The following UNC13A variants were observed in gnomAD, a reference collection of about 807,000 sequenced individuals.
The protein encoded by UNC13A is protein unc-13 homolog A.
UNC13A carries 61 observed loss-of-function variants against 219.7 expected under a neutral mutation model. The ratio of observed to expected loss-of-function variants is 0.28; its 90% CI spans 0.23 to 0.34. UNC13A has a LOEUF of 0.34. Ranked by LOEUF, UNC13A falls within the 10% of genes least tolerant of loss-of-function variation. The pLI, the probability that UNC13A is intolerant of heterozygous loss-of-function variation, is 1.00. For missense variants in UNC13A, 1,476 were observed against 2,270.3 expected (o/e 0.65, Z 7.11); for synonymous variants, 920 against 884.6 (o/e 1.04, Z -0.71).
At position 17,640,304 on chromosome 19, in the gene UNC13A, G is replaced by T. The variant is rs535601475; in HGVS notation, c.2787+207C>A. Among the ~76,000 whole-genome samples, 5 of 152,286 alleles carry T rather than the reference G, an allele frequency of 3.3e-5. 1 individual carries two copies. Among genetic ancestry groups the T allele is most frequent in the African/African-American group, 1.2e-4 (5 of 41,564 alleles). On this transcript the variant is annotated intron_variant, in intron 22 of 43. Coordinates refer to ENST00000519716, the MANE Select transcript of UNC13A (RefSeq NM_001080421.3). ...TTCTCCAGCCTCGGCCTCCCAAAGTGCTGGGATTACAGGCATGAGCCACTG... is the reference window on the plus strand; with the variant it reads ...TTCTCCAGCCTCGGCCTCCCAAAGTTCTGGGATTACAGGCATGAGCCACTG...
intron 17 of UNC13A, among the ~76,000 whole-genome samples, chr19:17,646,692 C>G (rs1239303114): frequency 6.6e-6 from 1 of 152,108 alleles, no homozygotes; most frequent in Non-Finnish European, 1.5e-5. Flanking sequence ...GGTTCCTTCC[C>G]TCCCTGACTT....
intron 43 of UNC13A, 123 bp downstream of exon 43, chr19:17,609,817 G>A (rs76856044): frequency 4.3e-6 from 6 of 1,387,040 alleles, no homozygotes; most frequent in East Asian, 4.6e-5. Flanking sequence ...CCCCCACCTA[G>A]AATGTGGCCC....
chr19:17,602,926 CCA>C lies in UNC13A; in HGVS notation c.*3126_*3127del, dbSNP rs1297585034. On this transcript the variant is annotated 3_prime_UTR_variant, in exon 44 of 44. Transcript: ENST00000519716. ...TGGGGGTCCTGAGAGTCCTCAGACC[CCA>C]GTCTGGGAGAAACAGAGCTGGACAG... 6 of 152,242 alleles carry C rather than the reference CCA, an allele frequency of 3.9e-5. No homozygotes were observed. The highest frequency in any genetic ancestry group is 9.7e-5 in the African/African-American group (4 of 41,446). The allele number at this position is 152,242 out of a possible 1,614,324, so 9.4% of individuals were successfully genotyped here.
chr19:17,680,081 G>T (rs1206244075), intron 1 of UNC13A, among the ~76,000 whole-genome samples: 2 of 151,984 alleles, frequency 1.3e-5, no homozygotes, highest in African/African-American at 4.8e-5. Flanking sequence ...GGCCGAGAGT[G>T]GCGAGGGGGT....
chr19:17,620,642 GT>G, intron 38 of UNC13A, 50 bp downstream of exon 38: 4 of 1,566,678 alleles, frequency 2.6e-6, no homozygotes, highest in South Asian at 1.2e-5. Context: ...CAGGGGTGGG[GT>G]GGGGGGGAGT....
chr19:17,645,990 C>T lies in UNC13A; in HGVS notation c.2166G>A (p.Val722=). 1 of 1,612,704 alleles carries T rather than the reference C, an allele frequency of 6.2e-7. No individual in the cohort carries two copies. Among genetic ancestry groups the T allele is most frequent in the Non-Finnish European group, 8.5e-7 (1 of 1,179,290 alleles). The change falls in exon 18 of 44, where the codon GTG becomes GTA. Residue 722 remains valine (V), a synonymous_variant. Transcript: ENST00000519716. ...TKTIYGNLNP[V]WEENFHFECH... ...CTTACAAGTGGAAATTCTCCTCCCACACCGGGTTGAGGTTCCCATAGATGG... is the reference window on the plus strand; with the variant it reads ...CTTACAAGTGGAAATTCTCCTCCCATACCGGGTTGAGGTTCCCATAGATGG...
intron 41 of UNC13A, chr19:17,616,582 G>C (rs896542961): frequency 1.9e-6 from 1 of 520,848 alleles, no homozygotes; most frequent in African/African-American, 2.0e-5. Flanking sequence ...GGGAGGCGCG[G>C]AGAGGGGACG....
At chr19:17,664,494 T>C (rs1356336961) in intron 7 of UNC13A, among the ~76,000 whole-genome samples, 8 of 152,096 alleles carry the variant, frequency 5.3e-5, no homozygotes, top group African/African-American at 9.7e-5. Flanking sequence ...CTCTGAGAAA[T>C]AGGGTGACAA....
chr19:17,629,726 A>C (rs910250674), intron 30 of UNC13A, among the ~76,000 whole-genome samples: 3 of 152,018 alleles, frequency 2.0e-5, no homozygotes, highest in Non-Finnish European at 4.4e-5. Context: ...ATTGTGCATC[A>C]ATCTCAGCAC....
intron 30 of UNC13A, 42 bp downstream of exon 30, chr19:17,630,103 T>A: frequency 6.5e-7 from 1 of 1,547,538 alleles, no homozygotes; most frequent in Non-Finnish European, 8.7e-7. Flanking sequence ...TCCCTAACCC[T>A]GACCCTGTCC....
In UNC13A at chr19:17,644,547, G is replaced by A. The variant is rs184333778; in HGVS notation, c.2356+1127C>T. Among the ~76,000 whole-genome samples, 418 of 127,382 alleles carry A rather than the reference G, an allele frequency of 3.3e-3. 4 individuals carry two copies. The highest frequency in any genetic ancestry group is 0.012 in the African/African-American group (400 of 32,606). 83.6% of individuals were successfully genotyped at this position (127,382 alleles called of 152,430 possible). On this transcript the variant is annotated intron_variant, in intron 19 of 43. Transcript: ENST00000519716. Reference sequence around the variant, plus strand: ...TGTTTTTTTTTTTTTTTTTTGAGACGGAGTCTTCCTTTGTTGCCCAGGCTG... The same window carrying A: ...TGTTTTTTTTTTTTTTTTTTGAGACAGAGTCTTCCTTTGTTGCCCAGGCTG...
In UNC13A at chr19:17,674,703, T is replaced by C. The variant is rs754721967; in HGVS notation, c.106A>G (p.Ile36Val). Residue 36 changes from isoleucine (I) to valine (V), a missense_variant, in exon 3 of 44, where the codon ATC becomes GTC. Coordinates refer to ENST00000519716, the MANE Select transcript of UNC13A (RefSeq NM_001080421.3). This position sits in a 1 kb window ranked among gnomAD's most constrained non-coding sequence, Gnocchi z 5.0. Reference protein sequence around the residue: ...LKVQNVKSTTIAVRGSQPSWE... With the variant: ...LKVQNVKSTTVAVRGSQPSWE... The stretch of plus-strand genomic sequence containing the variant: ...CTGGGCTGGCTGCCCCGCACCGCGA[T>C]GGTCGTGCTCTTGACATTCTGCACT... 5 of 1,613,930 alleles carry C rather than the reference T, an allele frequency of 3.1e-6. No individual in the cohort carries two copies. Among genetic ancestry groups the C allele is most frequent in the South Asian group, 2.2e-5 (2 of 91,084 alleles).
At chr19:17,645,906 G>A in intron 18 of UNC13A, 63 bp from the exon 19 acceptor site, 1 of 1,594,654 alleles carries the variant, frequency 6.3e-7, no homozygotes, top group South Asian at 1.1e-5. Flanking sequence ...TGTCCTTGGA[G>A]CCCTCTTTTG....
At chr19:17,633,332 ACTGACTCTGCACTAAGG>A in intron 26 of UNC13A, 139 bp from the exon 27 acceptor site, 1 of 699,340 alleles carries the variant, frequency 1.4e-6, no homozygotes, top group Non-Finnish European at 2.5e-6. Flanking sequence ...GCCACTGCTG[ACTGACTCTGCACTAAGG>A]CTTTGTTTCC....
chr19:17,608,383 A>AT (rs1568496046), intron 43 of UNC13A, among the ~76,000 whole-genome samples: 38 of 124,160 alleles, frequency 3.1e-4, no homozygotes, highest in African/African-American at 1.1e-3. Context: ...TATGTATATA[A>AT]ATATATATAT....
At chr19:17,654,886 G>A (rs1013932563) in intron 11 of UNC13A, among the ~76,000 whole-genome samples, 1 of 152,184 alleles carries the variant, frequency 6.6e-6, no homozygotes. Flanking sequence ...ACCCCAGGCT[G>A]ACATTGGGAA....
At position 17,606,227 on chromosome 19, in the gene UNC13A, C is replaced by A; in HGVS notation, c.4939G>T (p.Gly1647Trp). ...AGCGGCAGCCAGCAGGCGGCGCTCCCGCGCTGGGCCAGCTCACGCAGCTGC... is the reference window on the plus strand; with the variant it reads ...AGCGGCAGCCAGCAGGCGGCGCTCCAGCGCTGGGCCAGCTCACGCAGCTGC... ...VLQLRELAQR[G>W]SAACWLPLGR... The change falls in exon 44 of 44, where the codon GGG becomes TGG. Residue 1647 changes from glycine (G) to tryptophan (W), a missense_variant. This residue lies in a region of UNC13A where 187 missense variants were observed against 172.3 expected (regional missense o/e 1.09). Transcript: ENST00000519716. 6.4e-7 allele frequency: 1 copy of A among 1,551,202 alleles called. No homozygotes were observed. Among genetic ancestry groups the A allele is most frequent in the Non-Finnish European group, 8.7e-7 (1 of 1,148,660 alleles).
chr19:17,610,909 T>G (rs78983694), intron 42 of UNC13A, among the ~76,000 whole-genome samples: 1 of 152,082 alleles, frequency 6.6e-6, no homozygotes, highest in Non-Finnish European at 1.5e-5. Context: ...GCTGCATGCC[T>G]GCAATCCCAG....
At chr19:17,616,261 G>T (rs1599831392) in intron 41 of UNC13A, 3 of 495,082 alleles carry the variant, frequency 6.1e-6, no homozygotes, top group East Asian at 3.5e-5. Context: ...CCCCTCACCC[G>T]CCTGGGCCCT....
Sources: allele counts gnomAD v4.1 joint callset (sites outside exome capture counted in the v4.1 genomes callset), GRCh38; gene constraint gnomAD v4.1.1; regional missense constraint gnomAD v4.1.1; non-coding constraint Gnocchi (gnomAD v3.1); transcripts MANE v1.5; gene names NCBI Gene and HGNC (gene_info 2026-07-23, HGNC 2026-07-21).